FRMD4B: variants seen among roughly 807,000 people sequenced by gnomAD.
FRMD4B encodes FERM domain containing 4B.
In FRMD4B, 74 loss-of-function variants were observed where a neutral mutation model predicts 141.5. The observed-to-expected ratio is 0.52, with a 90% confidence interval of 0.43 to 0.63. FRMD4B has a LOEUF of 0.63. Ranked by LOEUF, FRMD4B falls within the 30% of genes least tolerant of loss-of-function variation. The pLI is 0.00. For missense variants in FRMD4B, 1,366 were observed against 1,253.4 expected (o/e 1.09, Z -1.36); for synonymous variants, 506 against 467.9 (o/e 1.08, Z -1.05).
At chr3:69,277,949 G>A (rs1026991158) in intron 5 of FRMD4B, among the ~76,000 whole-genome samples, 8 of 151,020 alleles carry the variant, frequency 5.3e-5, no homozygotes, top group East Asian at 2.0e-4. Context: ...TCTGCCTCCC[G>A]GGTTCAAGAG....
intron 4 of FRMD4B, among the ~76,000 whole-genome samples, chr3:69,298,132 A>G (rs191003334): frequency 1.3e-5 from 2 of 152,372 alleles, no homozygotes; most frequent in Admixed American, 1.3e-4. Flanking sequence ...CTTTTCAAAT[A>G]GCCTAGGGCC....
chr3:69,458,932 T>C (rs907811337), intron 1 of FRMD4B, among the ~76,000 whole-genome samples: 2 of 150,728 alleles, frequency 1.3e-5, no homozygotes, highest in African/African-American at 4.9e-5. Context: ...TCACTTAAAA[T>C]TGGTTTGAAG....
intron 2 of FRMD4B, among the ~76,000 whole-genome samples, chr3:69,410,722 AATAAATATATATATATAT>A (rs1370478697): frequency 3.9e-4 from 23 of 58,540 alleles, no homozygotes; most frequent in South Asian, 3.1e-3. Flanking sequence ...TAAATAAATA[AATAAATATATATATATAT>A]ATATATATAT....
intron 5 of FRMD4B, among the ~76,000 whole-genome samples, chr3:69,277,866 T>G (rs1263925371): frequency 5.9e-5 from 9 of 151,310 alleles, no homozygotes; most frequent in African/African-American, 1.9e-4. Context: ...TTTCTTTTTT[T>G]TTTTCTTGAG....
At chr3:69,274,121 T>G (rs957574295) in intron 5 of FRMD4B, among the ~76,000 whole-genome samples, 3 of 151,850 alleles carry the variant, frequency 2.0e-5, no homozygotes, top group Admixed American at 6.6e-5. Flanking sequence ...GACCGCAGGG[T>G]GAGTGTGCAA....
At chr3:69,411,447 G>T (rs1185040910) in intron 2 of FRMD4B, among the ~76,000 whole-genome samples, 2 of 152,166 alleles carry the variant, frequency 1.3e-5, no homozygotes, top group African/African-American at 4.8e-5. Context: ...TTAAACCTGG[G>T]ATAGAGAGGG....
At chr3:69,337,707 T>C (rs899642923) in intron 1 of FRMD4B, among the ~76,000 whole-genome samples, 2 of 152,188 alleles carry the variant, frequency 1.3e-5, no homozygotes, top group Non-Finnish European at 1.5e-5. Flanking sequence ...CATGAAAGAA[T>C]GCTCATCATC....
chr3:69,222,931 A>G (rs1001750701), intron 8 of FRMD4B, among the ~76,000 whole-genome samples: 1 of 152,224 alleles, frequency 6.6e-6, no homozygotes, highest in Non-Finnish European at 1.5e-5. Flanking sequence ...CCTAAGGCCT[A>G]TCCTCTCTTT....
At chr3:69,232,630 G>C (rs2107789678) in intron 7 of FRMD4B, among the ~76,000 whole-genome samples, 1 of 152,222 alleles carries the variant, frequency 6.6e-6, no homozygotes, top group South Asian at 2.1e-4. Flanking sequence ...GCTACTCTTT[G>C]TGTGTGCTGG....
intron 1 of FRMD4B, among the ~76,000 whole-genome samples, chr3:69,382,430 C>T (rs555159484): frequency 6.6e-6 from 1 of 152,238 alleles, no homozygotes; most frequent in Non-Finnish European, 1.5e-5. Flanking sequence ...TCACCTTGGC[C>T]TCCCAAAGTG....
intron 1 of FRMD4B, among the ~76,000 whole-genome samples, chr3:69,534,373 A>T (rs1317934616): frequency 6.6e-6 from 1 of 152,230 alleles, no homozygotes; most frequent in Non-Finnish European, 1.5e-5. Flanking sequence ...TAAAATAAAT[A>T]GTCAATAAGG....
intron 1 of FRMD4B, among the ~76,000 whole-genome samples, chr3:69,523,816 A>G (rs1447058185): frequency 6.6e-6 from 1 of 152,150 alleles, no homozygotes; most frequent in African/African-American, 2.4e-5. Flanking sequence ...GCCAGGAAAA[A>G]ATGCTGACAA....
intron 5 of FRMD4B, among the ~76,000 whole-genome samples, chr3:69,267,626 TATATATATATAGAGAGAGAGAGAGAGAG>T (rs1559765416): frequency 5.7e-3 from 79 of 13,880 alleles, no homozygotes; most frequent in South Asian, 0.023. Context: ...TATATATATA[TATATATATATAGAGAGAGAGAGAGAGAG>T]AGAGAGAGAG....
At chr3:69,506,826 A>AG (rs56110148) in intron 1 of FRMD4B, among the ~76,000 whole-genome samples, 43,430 of 151,882 alleles carry the variant, frequency 0.29, 6,404 homozygotes, top group African/African-American at 0.32. Flanking sequence ...TTACGGGGTG[A>AG]GCTACAGTAC....
chr3:69,518,775 A>G (rs909060179), intron 1 of FRMD4B, among the ~76,000 whole-genome samples: 1 of 152,198 alleles, frequency 6.6e-6, no homozygotes, highest in East Asian at 1.9e-4. Flanking sequence ...TGTGCAAGCC[A>G]AGGAAGGTAG....
intron 1 of FRMD4B, among the ~76,000 whole-genome samples, chr3:69,471,294 T>G (rs1705887059): frequency 6.6e-6 from 1 of 152,190 alleles, no homozygotes; most frequent in African/African-American, 2.4e-5. Flanking sequence ...AATGCTAGTT[T>G]CTTCCACTAT....
chr3:69,267,636 TAG>T (rs55659743), intron 5 of FRMD4B, among the ~76,000 whole-genome samples: 14 of 32,992 alleles, frequency 4.2e-4, no homozygotes, highest in African/African-American at 1.8e-3. Context: ...TATATATATA[TAG>T]AGAGAGAGAG....
chr3:69,385,566 C>T (rs1294592194), intron 1 of FRMD4B, among the ~76,000 whole-genome samples: 3 of 152,158 alleles, frequency 2.0e-5, no homozygotes, highest in Non-Finnish European at 4.4e-5. Flanking sequence ...GTCAAGCGCC[C>T]GCCAGTACAC....
At chr3:69,368,678 A>G (rs937705749) in intron 1 of FRMD4B, among the ~76,000 whole-genome samples, 10 of 152,200 alleles carry the variant, frequency 6.6e-5, no homozygotes, top group Non-Finnish European at 1.3e-4. Context: ...CAAGCCAATA[A>G]TGTGGGAGCT....
Sources: allele counts gnomAD v4.1 joint callset (sites outside exome capture counted in the v4.1 genomes callset), GRCh38; gene constraint gnomAD v4.1.1; transcripts MANE v1.5; gene names NCBI Gene and HGNC (gene_info 2026-07-23, HGNC 2026-07-21).